The following DPP10 variants were observed in gnomAD, a reference collection of about 807,000 sequenced individuals.
DPP10 encodes the protein dipeptidyl peptidase like 10, also known as inactive dipeptidyl peptidase 10.
DPP10 carries 33 observed loss-of-function variants against 120.9 expected under a neutral mutation model. The ratio of observed to expected loss-of-function variants is 0.27; its 90% CI spans 0.21 to 0.37. The LOEUF (loss-of-function observed/expected upper bound fraction) is 0.37, where lower values mean the gene tolerates loss of function less well. Ranked by LOEUF, DPP10 falls within the 10% of genes least tolerant of loss-of-function variation. The pLI is 1.00. For synonymous variants in DPP10, 337 were observed against 326.1 expected (o/e 1.03, Z -0.36); for missense variants, 816 against 942.8 (o/e 0.87, Z 1.76).
chr2:115,258,209 A>G (rs1427178466), intron 1 of DPP10, among the ~76,000 whole-genome samples: 2 of 152,206 alleles, frequency 1.3e-5, no homozygotes, highest in African/African-American at 4.8e-5. Flanking sequence ...TTAGTATGCT[A>G]TGCAAAAGGA....
chr2:114,597,520 G>A (rs1051959927), intron 1 of DPP10, among the ~76,000 whole-genome samples: 1 of 151,888 alleles, frequency 6.6e-6, no homozygotes, highest in African/African-American at 2.4e-5. Flanking sequence ...TTTTATCTCA[G>A]TTGATATTAG....
At chr2:115,313,237 G>A (rs891116567) in intron 2 of DPP10, among the ~76,000 whole-genome samples, 5 of 152,020 alleles carry the variant, frequency 3.3e-5, no homozygotes, top group African/African-American at 1.2e-4. Context: ...ATAAAAAAGA[G>A]TGGCAGTCAT....
At chr2:115,280,295 A>G (rs1334374818) in intron 1 of DPP10, among the ~76,000 whole-genome samples, 2 of 152,188 alleles carry the variant, frequency 1.3e-5, no homozygotes, top group Non-Finnish European at 1.5e-5. Flanking sequence ...AATGTCAGTA[A>G]CAATGCAGAA....
intron 1 of DPP10, among the ~76,000 whole-genome samples, chr2:115,291,290 C>A (rs773846396): frequency 4.6e-4 from 70 of 152,124 alleles, no homozygotes; most frequent in Non-Finnish European, 9.3e-4. Context: ...TGGTGTGAGC[C>A]ATGGCATCCC....
At chr2:115,638,963 T>C (rs1368449846) in intron 5 of DPP10, among the ~76,000 whole-genome samples, 1 of 152,164 alleles carries the variant, frequency 6.6e-6, no homozygotes, top group Non-Finnish European at 1.5e-5. Context: ...CCAAGCATGC[T>C]CTACTGCCAA....
chr2:115,394,065 T>G (rs2067501457), intron 3 of DPP10, among the ~76,000 whole-genome samples: 1 of 152,126 alleles, frequency 6.6e-6, no homozygotes. Flanking sequence ...GATTGGAAAA[T>G]TATGCAGAGA....
At chr2:114,905,477 T>C (rs1426988163) in intron 1 of DPP10, among the ~76,000 whole-genome samples, 1 of 152,228 alleles carries the variant, frequency 6.6e-6, no homozygotes, top group Non-Finnish European at 1.5e-5. Context: ...TATTTTATTG[T>C]ATTTTTAACT....
intron 1 of DPP10, among the ~76,000 whole-genome samples, chr2:114,572,144 T>A (rs1689707613): frequency 6.6e-6 from 1 of 151,870 alleles, no homozygotes; most frequent in Admixed American, 6.6e-5. Context: ...ATAAACATCA[T>A]GAAAGGGCAG....
At chr2:115,572,355 TTG>T (rs2149094244) in intron 5 of DPP10, among the ~76,000 whole-genome samples, 1 of 152,270 alleles carries the variant, frequency 6.6e-6, no homozygotes, top group South Asian at 2.1e-4. Flanking sequence ...TAGTTTAGAA[TTG>T]TCAGTGAAAA....
chr2:115,537,580 T>C (rs1270465266), intron 5 of DPP10, among the ~76,000 whole-genome samples: 4 of 150,864 alleles, frequency 2.7e-5, no homozygotes, highest in East Asian at 3.9e-4. Context: ...TTTTTTTTTT[T>C]CTCATGGATC....
At chr2:115,078,979 A>G (rs575974096) in intron 1 of DPP10, among the ~76,000 whole-genome samples, 2 of 152,338 alleles carry the variant, frequency 1.3e-5, no homozygotes, top group Non-Finnish European at 2.9e-5. Flanking sequence ...GATAAACTTA[A>G]GGTTATCAAG....
At chr2:115,675,370 A>G (rs2149454045) in intron 5 of DPP10, among the ~76,000 whole-genome samples, 1 of 152,328 alleles carries the variant, frequency 6.6e-6, no homozygotes, top group Non-Finnish European at 1.5e-5. Context: ...TGACTCAAAC[A>G]GATGTCATCA....
At chr2:115,450,638 A>G (rs1262010513) in intron 3 of DPP10, among the ~76,000 whole-genome samples, 1 of 151,986 alleles carries the variant, frequency 6.6e-6, no homozygotes, top group African/African-American at 2.4e-5. Flanking sequence ...CAAGGCAGGC[A>G]CAATGAAGAT....
At chr2:114,994,251 CAGA>C (rs1339500457) in intron 1 of DPP10, among the ~76,000 whole-genome samples, 1 of 152,018 alleles carries the variant, frequency 6.6e-6, no homozygotes, top group Non-Finnish European at 1.5e-5. Flanking sequence ...AAACTCTGGG[CAGA>C]AGATGTGGGG....
chr2:114,558,518 A>T (rs991071522), intron 1 of DPP10, among the ~76,000 whole-genome samples: 17 of 152,340 alleles, frequency 1.1e-4, no homozygotes, highest in African/African-American at 4.1e-4. Context: ...ATTTAAAGTA[A>T]TCCATCCATG....
intron 5 of DPP10, among the ~76,000 whole-genome samples, chr2:115,589,606 A>G (rs1376795351): frequency 6.6e-6 from 1 of 152,222 alleles, no homozygotes; most frequent in Non-Finnish European, 1.5e-5. Flanking sequence ...CTCAGAATCA[A>G]AAGGCTGAAA....
intron 1 of DPP10, among the ~76,000 whole-genome samples, chr2:114,693,149 G>A (rs1452219481): frequency 6.6e-6 from 1 of 151,908 alleles, no homozygotes; most frequent in African/African-American, 2.4e-5. Flanking sequence ...TTGCAGAATT[G>A]TGTATGTGGT....
chr2:114,940,556 CAA>C (rs765537282), intron 1 of DPP10, among the ~76,000 whole-genome samples: 30 of 107,100 alleles, frequency 2.8e-4, no homozygotes, highest in Admixed American at 3.9e-4. Flanking sequence ...GACCACTCAG[CAA>C]AAAAAAAAAA....
chr2:114,756,730 T>C (rs1188423040), intron 1 of DPP10, among the ~76,000 whole-genome samples: 1 of 151,692 alleles, frequency 6.6e-6, no homozygotes, highest in Non-Finnish European at 1.5e-5. Flanking sequence ...TCAGTCTTCA[T>C]AAGTAGTGCC....
Sources: allele counts gnomAD v4.1 joint callset (sites outside exome capture counted in the v4.1 genomes callset), GRCh38; gene constraint gnomAD v4.1.1; transcripts MANE v1.5; gene names NCBI Gene and HGNC (gene_info 2026-07-23, HGNC 2026-07-21).